ZBTB46: variants seen among roughly 807,000 people sequenced by gnomAD.
The protein encoded by ZBTB46 is zinc finger and BTB domain-containing protein 46.
ZBTB46 carries 8 observed loss-of-function variants against 44.1 expected under a neutral mutation model. The ratio of observed to expected loss-of-function variants is 0.18; its 90% CI spans 0.11 to 0.33. The LOEUF is 0.33. Ranked by LOEUF, ZBTB46 falls within the 10% of genes least tolerant of loss-of-function variation. ZBTB46 has a pLI of 1.00. For synonymous variants in ZBTB46, 409 were observed against 382.3 expected, an observed-to-expected ratio of 1.07 and a Z score of -0.81; for missense variants, 651 against 847.7, an observed-to-expected ratio of 0.77 and a Z score of 2.88.
chr20:63,785,827 C>T (rs564867349), intron 2 of ZBTB46, among the ~76,000 whole-genome samples: 133 of 152,268 alleles, frequency 8.7e-4, no homozygotes, highest in African/African-American at 3.0e-3. Context: ...CTTAGCAACT[C>T]GGAATAATCT....
rs1032863944 is a variant in ZBTB46 at position 63,752,010 on chromosome 20, C to T, written c.1398+676G>A. ...CCCGGAGCCCGGGGCGCCTCCACTG[C>T]CTCTCCTCACACAGCTGCCCGCCGC... On this transcript the variant is annotated intron_variant, in intron 4 of 4. Coordinates refer to ENST00000245663, the MANE Select transcript of ZBTB46 (RefSeq NM_001369741.1). The surrounding 1 kb of genome is among the most constrained non-coding windows in gnomAD (Gnocchi z 5.6). Among the ~76,000 whole-genome samples, 1 of 151,598 alleles carries T rather than the reference C, an allele frequency of 6.6e-6. No homozygotes were observed. The highest frequency in any genetic ancestry group is 6.6e-5 in the Admixed American group (1 of 15,258).
chr20:63,760,536 A>G (rs1234593273), intron 3 of ZBTB46, among the ~76,000 whole-genome samples: 2 of 149,962 alleles, frequency 1.3e-5, no homozygotes, highest in African/African-American at 4.9e-5. Context: ...CACAATCTCG[A>G]TTCACTGCAA....
At chr20:63,747,602 G>A (rs949275421) in intron 4 of ZBTB46, among the ~76,000 whole-genome samples, 5 of 150,620 alleles carry the variant, frequency 3.3e-5, no homozygotes, top group Non-Finnish European at 7.4e-5. Context: ...CGGGCCCTCC[G>A]AGTGTCTGCA....
chr20:63,811,969 C>T (rs529084643), intron 1 of ZBTB46, among the ~76,000 whole-genome samples: 66 of 152,232 alleles, frequency 4.3e-4, no homozygotes, highest in Non-Finnish European at 6.9e-4. Flanking sequence ...AGACTCCAAA[C>T]GTGGAAGCAT....
chr20:63,794,140 C>A (rs182963385), intron 1 of ZBTB46, among the ~76,000 whole-genome samples: 52 of 150,232 alleles, frequency 3.5e-4, no homozygotes, highest in African/African-American at 1.3e-3. Flanking sequence ...GAGCTGAGAT[C>A]GAGCCACTGC....
intron 2 of ZBTB46, among the ~76,000 whole-genome samples, chr20:63,778,764 G>A (rs1331676364): frequency 6.6e-6 from 1 of 152,084 alleles, no homozygotes; most frequent in East Asian, 1.9e-4. Flanking sequence ...CAAATCCCTC[G>A]ATGACACATC....
At chr20:63,782,116 G>A (rs567068496) in intron 2 of ZBTB46, among the ~76,000 whole-genome samples, 2 of 125,614 alleles carry the variant, frequency 1.6e-5, no homozygotes, top group Admixed American at 1.7e-4. Context: ...GAGGCGTGGC[G>A]ATTTTCACCA....
intron 1 of ZBTB46, among the ~76,000 whole-genome samples, chr20:63,805,800 G>T (rs533629153): frequency 5.9e-4 from 89 of 151,506 alleles, no homozygotes; most frequent in African/African-American, 1.7e-3. Flanking sequence ...CTGTCGCCCA[G>T]GCTGGAGGGC....
intron 3 of ZBTB46, among the ~76,000 whole-genome samples, chr20:63,757,116 G>A (rs1461503906): frequency 2.0e-5 from 3 of 152,116 alleles, no homozygotes; most frequent in Non-Finnish European, 4.4e-5. Flanking sequence ...AGAACTAGGG[G>A]TCAAGATTCC....
At chr20:63,747,712 C>T (rs1045355388) in intron 4 of ZBTB46, among the ~76,000 whole-genome samples, 1 of 152,096 alleles carries the variant, frequency 6.6e-6, no homozygotes, top group Non-Finnish European at 1.5e-5. Context: ...CAGGTGGCAC[C>T]AAGGCAGCCC....
At chr20:63,810,620 C>T (rs1381748897) in intron 1 of ZBTB46, among the ~76,000 whole-genome samples, 1 of 152,114 alleles carries the variant, frequency 6.6e-6, no homozygotes, top group Admixed American at 6.6e-5. Flanking sequence ...GTGGCACGCA[C>T]CTATAATCCC....
chr20:63,769,108 G>A (rs1001129984), intron 3 of ZBTB46: 1 of 769,610 alleles, frequency 1.3e-6, no homozygotes, highest in Non-Finnish European at 1.6e-6. Context: ...GGCACATGGA[G>A]AGCAGGTGCC....
At chr20:63,794,300 T>C (rs907362113) in intron 1 of ZBTB46, among the ~76,000 whole-genome samples, 1 of 152,008 alleles carries the variant, frequency 6.6e-6, no homozygotes, top group African/African-American at 2.4e-5. Flanking sequence ...CAAGCAATCC[T>C]CTTGCCTCAG....
chr20:63,779,386 G>A (rs997541723), intron 2 of ZBTB46, among the ~76,000 whole-genome samples: 18 of 147,650 alleles, frequency 1.2e-4, no homozygotes, highest in Admixed American at 1.1e-3. Context: ...GATTACAGGT[G>A]CGTGCCACCA....
chr20:63,797,075 G>A (rs1357541632), intron 1 of ZBTB46, among the ~76,000 whole-genome samples: 3 of 152,116 alleles, frequency 2.0e-5, no homozygotes, highest in East Asian at 1.9e-4. Context: ...TGTTACATAC[G>A]TACACATGTG....
In ZBTB46 at chr20:63,790,770, G is replaced by C. The variant is rs368985143; in HGVS notation, c.-13C>G. On this transcript the variant is annotated 5_prime_UTR_variant, in exon 2 of 5. Coordinates refer to ENST00000245663, the MANE Select transcript of ZBTB46 (RefSeq NM_001369741.1). ...TTCGGTTGTTCATTTGGAAGCCCTG[G>C]TGTCGCCTCTTCTACAGACTCTGTG... The C allele has an allele frequency of 6.3e-7, 1 of 1,588,526 alleles. No homozygotes were observed. The highest frequency in any genetic ancestry group is 1.7e-5 in the Admixed American group (1 of 59,042).
chr20:63,772,732 C>G (rs2092385712), intron 3 of ZBTB46, among the ~76,000 whole-genome samples: 1 of 57,322 alleles, frequency 1.7e-5, no homozygotes. Context: ...AACACACACA[C>G]ACACACACAC....
At chr20:63,819,217 ATGCGC>A in intron 1 of ZBTB46, among the ~76,000 whole-genome samples, 1 of 152,178 alleles carries the variant, frequency 6.6e-6, no homozygotes, top group Non-Finnish European at 1.5e-5. Flanking sequence ...GACTTCCTGG[ATGCGC>A]TTCCTTCTTA....
intron 1 of ZBTB46, among the ~76,000 whole-genome samples, chr20:63,806,415 A>AAAAG (rs2092681733): frequency 6.9e-6 from 1 of 144,686 alleles, no homozygotes; most frequent in Non-Finnish European, 1.5e-5. Flanking sequence ...CTCAAAAAAA[A>AAAAG]AAAAAAAAGA....
Sources: gnomAD v4.1 joint callset for allele counts (sites outside exome capture counted in the v4.1 genomes callset) on GRCh38, gnomAD v4.1.1 for gene constraint, Gnocchi (gnomAD v3.1) non-coding constraint, MANE v1.5 for transcripts, NCBI Gene and HGNC (gene_info 2026-07-23, HGNC 2026-07-21) for gene names.